The following ELOVL7 variants were observed in gnomAD, a reference collection of about 807,000 sequenced individuals.
ELOVL7 encodes ELOVL fatty acid elongase 7, also known as very long chain fatty acid elongase 7.
A neutral mutation model predicts 35.7 loss-of-function variants in ELOVL7; 27 were observed. That is an observed-to-expected ratio of 0.76 (90% confidence interval 0.56 to 1.04). The LOEUF (loss-of-function observed/expected upper bound fraction) is 1.04, where lower values mean the gene tolerates loss of function less well. ELOVL7 is among the 50% of genes least tolerant of loss of function. ELOVL7 has a pLI of 0.00. For missense variants in ELOVL7, 327 were observed against 340.8 expected, an observed-to-expected ratio of 0.96 and a Z score of 0.32; for synonymous variants, 113 against 114.6, an observed-to-expected ratio of 0.99 and a Z score of 0.09.
chr5:60,843,377 CCCAACGAACCTGGGAAAGCCCAT>C (rs1747299468), intron 1 of ELOVL7: 2 of 151,876 alleles, frequency 1.3e-5, no homozygotes, highest in Non-Finnish European at 2.9e-5. Flanking sequence ...AAGCCCATTT[CCCAACGAACCTGGGAAAGCCCAT>C]TTCCCAAAGA....
rs144686279 is a variant in ELOVL7, at chr5:60,757,046, C to T, written c.636+463G>A. Among the ~76,000 whole-genome samples, 143 of 152,114 alleles carry T rather than the reference C, an allele frequency of 9.4e-4. 1 individual carries two copies. Among genetic ancestry groups the T allele is most frequent in the Middle Eastern group, 3.4e-3 (1 of 294 alleles). On this transcript the variant is annotated intron_variant, in intron 8 of 8. Coordinates refer to ENST00000508821, the MANE Select transcript of ELOVL7 (RefSeq NM_024930.3). ...ACATATATGTTGGTCTAACCCTCTA[C>T]GTTTTTAATTCTCACAGTGCTTTTT...
At chr5:60,795,234 C>T (rs1204261918) in intron 2 of ELOVL7, among the ~76,000 whole-genome samples, 2 of 152,060 alleles carry the variant, frequency 1.3e-5, no homozygotes, top group Admixed American at 6.5e-5. Flanking sequence ...GAGGAAGGTA[C>T]TGAGAGACAG....
chr5:60,838,629 G>A (rs1158541236), intron 1 of ELOVL7, among the ~76,000 whole-genome samples: 2 of 152,156 alleles, frequency 1.3e-5, no homozygotes, highest in Non-Finnish European at 2.9e-5. Context: ...GGTGTTCATG[G>A]CTTAAGTAGC....
At chr5:60,778,334 C>T (rs901948703) in intron 3 of ELOVL7, among the ~76,000 whole-genome samples, 3 of 152,122 alleles carry the variant, frequency 2.0e-5, no homozygotes. Context: ...TAGTGCAAAC[C>T]TTAAATACAT....
chr5:60,837,293 C>A (rs931919537), intron 1 of ELOVL7, among the ~76,000 whole-genome samples: 1 of 22,730 alleles, frequency 4.4e-5, no homozygotes, highest in Admixed American at 5.5e-4. Context: ...ATTAGCCGGG[C>A]AGGCGTGGTA....
intron 2 of ELOVL7, among the ~76,000 whole-genome samples, chr5:60,791,373 G>C (rs1013549024): frequency 2.0e-5 from 3 of 152,106 alleles, no homozygotes; most frequent in Non-Finnish European, 4.4e-5. Flanking sequence ...AAATGGGGGA[G>C]GAGGAAGAGG....
At position 60,834,690 on chromosome 5, in the gene ELOVL7, G is replaced by C. The variant is rs747383336; in HGVS notation, c.-86+9470C>G. Among the ~76,000 whole-genome samples the C allele has an allele frequency of 2.0e-5, 3 of 152,138 alleles. No individual in the cohort carries two copies. The East Asian group carries it at 5.8e-4, about 30-fold the overall frequency. On this transcript the variant is annotated intron_variant, in intron 1 of 8. Transcript: ENST00000508821. ...GAGTTGATTATATACCATTAGTATG[G>C]AATGCTAAGTGAAGGTTCTGACTAC...
At chr5:60,778,457 C>T (rs762801460) in intron 3 of ELOVL7, among the ~76,000 whole-genome samples, 1 of 152,076 alleles carries the variant, frequency 6.6e-6, no homozygotes, top group Non-Finnish European at 1.5e-5. Flanking sequence ...GCCTGGGAGA[C>T]GTCAGGAAAC....
intron 1 of ELOVL7, among the ~76,000 whole-genome samples, chr5:60,817,651 T>G (rs1333166745): frequency 7.3e-6 from 1 of 136,114 alleles, no homozygotes; most frequent in African/African-American, 2.6e-5. Flanking sequence ...ATATATTAAG[T>G]ATATATATAC....
At chr5:60,818,729 T>C (rs942395997) in intron 1 of ELOVL7, among the ~76,000 whole-genome samples, 1 of 151,750 alleles carries the variant, frequency 6.6e-6, no homozygotes, top group Non-Finnish European at 1.5e-5. Flanking sequence ...AACTTGAGGC[T>C]GGGCATGGTG....
intron 1 of ELOVL7, among the ~76,000 whole-genome samples, chr5:60,828,622 T>G (rs546028981): frequency 6.6e-6 from 1 of 152,152 alleles, no homozygotes; most frequent in Non-Finnish European, 1.5e-5. Flanking sequence ...TTTAAAAAAA[T>G]CATTAGGCAT....
intron 1 of ELOVL7, among the ~76,000 whole-genome samples, chr5:60,840,195 A>G (rs928324583): frequency 1.3e-5 from 2 of 152,134 alleles, no homozygotes; most frequent in Admixed American, 1.3e-4. Context: ...CCCAAAGAGG[A>G]TATGTTGAAA....
At chr5:60,823,205 A>C (rs541819503) in intron 1 of ELOVL7, among the ~76,000 whole-genome samples, 86 of 152,300 alleles carry the variant, frequency 5.6e-4, no homozygotes, top group African/African-American at 2.0e-3. Context: ...GGATGGTCAG[A>C]AGCCCTGCAA....
At chr5:60,762,736 A>G (rs947852891) in intron 7 of ELOVL7, among the ~76,000 whole-genome samples, 2 of 152,196 alleles carry the variant, frequency 1.3e-5, no homozygotes, top group Non-Finnish European at 2.9e-5. Context: ...TCTATTTCTG[A>G]TAATTTAGGA....
chr5:60,816,792 T>C (rs554309122), intron 1 of ELOVL7, among the ~76,000 whole-genome samples: 1 of 152,178 alleles, frequency 6.6e-6, no homozygotes, highest in Non-Finnish European at 1.5e-5. Context: ...TATGTGAGGA[T>C]CAATGGGTAG....
At chr5:60,809,807 T>G (rs1745142842) in intron 1 of ELOVL7, among the ~76,000 whole-genome samples, 1 of 152,090 alleles carries the variant, frequency 6.6e-6, no homozygotes, top group South Asian at 2.1e-4. Flanking sequence ...AGACTAACAA[T>G]CCTAATTTTT....
chr5:60,806,834 A>G (rs1388569468), intron 1 of ELOVL7, among the ~76,000 whole-genome samples: 1 of 152,190 alleles, frequency 6.6e-6, no homozygotes, highest in African/African-American at 2.4e-5. Context: ...TAAAGAAGCA[A>G]GTCAGAGAGC....
intron 7 of ELOVL7, among the ~76,000 whole-genome samples, chr5:60,758,101 T>C (rs1053221632): frequency 5.9e-5 from 9 of 152,140 alleles, no homozygotes; most frequent in Non-Finnish European, 7.4e-5. Flanking sequence ...CCACATAAGA[T>C]TCCCATGTGC....
At chr5:60,822,546 A>G (rs1745949018) in intron 1 of ELOVL7, among the ~76,000 whole-genome samples, 1 of 152,220 alleles carries the variant, frequency 6.6e-6, no homozygotes, top group Non-Finnish European at 1.5e-5. Flanking sequence ...GTAAATCCCA[A>G]TGTGACAAGC....
Sources: allele counts gnomAD v4.1 joint callset (sites outside exome capture counted in the v4.1 genomes callset), GRCh38; gene constraint gnomAD v4.1.1; transcripts MANE v1.5; gene names NCBI Gene and HGNC (gene_info 2026-07-23, HGNC 2026-07-21).